Variants in MAP2K4 observed in about 807,000 individuals in gnomAD.
The protein encoded by MAP2K4 is mitogen-activated protein kinase kinase 4, also known as dual specificity mitogen-activated protein kinase kinase 4.
MAP2K4 carries 4 observed loss-of-function variants against 48.5 expected under a neutral mutation model. The observed-to-expected ratio is 0.08, with a 90% CI of 0.04 to 0.19. The LOEUF is 0.19. Ranked by LOEUF, MAP2K4 falls within the 10% of genes least tolerant of loss-of-function variation. MAP2K4 has a pLI of 1.00. For missense variants in MAP2K4, 258 were observed against 493.3 expected (o/e 0.52, Z 4.52); for synonymous variants, 166 against 173.1 (o/e 0.96, Z 0.32).
chr17:12,032,421 A>G (rs534549994), intron 1 of MAP2K4: 2 of 412,230 alleles, frequency 4.9e-6, no homozygotes, highest in South Asian at 2.2e-4. Context: ...AAGAGCTACC[A>G]TTTTTCATTC....
Position 12,143,095 on chromosome 17 carries a change from CT to C in MAP2K4, c.*1838del, listed in dbSNP as rs1973425452. The C allele has an allele frequency of 4.3e-6, 1 of 233,048 alleles. No homozygotes were observed. Among genetic ancestry groups the C allele is most frequent in the East Asian group, 6.0e-5 (1 of 16,568 alleles). 14.4% of individuals were successfully genotyped at this position (233,048 alleles called of 1,614,324 possible). On this transcript the variant is annotated 3_prime_UTR_variant, in exon 11 of 11. Coordinates refer to ENST00000353533, the MANE Select transcript of MAP2K4 (RefSeq NM_003010.4). ...ATCTTCTCCCCCACGGTATCCTAAACTTTAGACTTCCCACTGTTCTGAAAGG... is the reference window on the plus strand; with the variant it reads ...ATCTTCTCCCCCACGGTATCCTAAACTTAGACTTCCCACTGTTCTGAAAGG...
chr17:12,079,835 C>T (rs1350840064), intron 2 of MAP2K4, among the ~76,000 whole-genome samples: 1 of 152,092 alleles, frequency 6.6e-6, no homozygotes, highest in East Asian at 1.9e-4. Context: ...CCTATTTTTG[C>T]CTAGACCTGA....
intron 3 of MAP2K4, among the ~76,000 whole-genome samples, chr17:12,092,073 T>TA (rs1971580610): frequency 6.6e-6 from 1 of 152,134 alleles, no homozygotes; most frequent in South Asian, 2.1e-4. Flanking sequence ...GAAAATAATA[T>TA]AAAAAACTTA....
intron 2 of MAP2K4, among the ~76,000 whole-genome samples, chr17:12,060,728 G>GGGGGGT (rs71367376): frequency 1.3e-4 from 20 of 150,352 alleles, no homozygotes; most frequent in South Asian, 6.3e-4. Flanking sequence ...AATACTATGG[G>GGGGGGT]GTGTGTGTGT....
chr17:12,084,710 A>G (rs1201809572), intron 3 of MAP2K4, among the ~76,000 whole-genome samples: 1 of 152,172 alleles, frequency 6.6e-6, no homozygotes. Context: ...ATGGCAATAC[A>G]ACACATCAAT....
chr17:12,030,479 T>A (rs985119808), intron 1 of MAP2K4, among the ~76,000 whole-genome samples: 2 of 152,214 alleles, frequency 1.3e-5, no homozygotes, highest in Non-Finnish European at 1.5e-5. Context: ...TTGTAGCTAC[T>A]TATATAGATT....
At chr17:12,088,824 T>A (rs1345609361) in intron 3 of MAP2K4, among the ~76,000 whole-genome samples, 2 of 151,266 alleles carry the variant, frequency 1.3e-5, no homozygotes, top group Non-Finnish European at 2.9e-5. Context: ...AGCTTTTGAT[T>A]TGCTTCTTGT....
At chr17:12,123,757 A>G (rs934186356) in intron 7 of MAP2K4, among the ~76,000 whole-genome samples, 4 of 152,072 alleles carry the variant, frequency 2.6e-5, no homozygotes, top group African/African-American at 9.7e-5. Context: ...TTTTTTAACT[A>G]TTTCTTGAGA....
intron 3 of MAP2K4, among the ~76,000 whole-genome samples, chr17:12,087,224 C>A (rs1272703058): frequency 6.6e-6 from 1 of 152,170 alleles, no homozygotes; most frequent in Non-Finnish European, 1.5e-5. Context: ...TGCATATTTT[C>A]TATCATTCTT....
intron 7 of MAP2K4, among the ~76,000 whole-genome samples, chr17:12,118,077 A>T (rs1972559203): frequency 6.6e-6 from 1 of 152,224 alleles, no homozygotes; most frequent in Non-Finnish European, 1.5e-5. Context: ...TGGTTATAGA[A>T]ATTTAAGAAA....
At chr17:12,108,414 T>C (rs1002096936) in intron 5 of MAP2K4, among the ~76,000 whole-genome samples, 3 of 152,126 alleles carry the variant, frequency 2.0e-5, no homozygotes, top group Non-Finnish European at 4.4e-5. Flanking sequence ...AAATTTTGAC[T>C]AGCAGTTTCA....
intron 3 of MAP2K4, among the ~76,000 whole-genome samples, chr17:12,089,021 C>T (rs1971475265): frequency 6.6e-6 from 1 of 151,590 alleles, no homozygotes; most frequent in Non-Finnish European, 1.5e-5. Context: ...ACGCCATTCT[C>T]CTACCTCAGC....
intron 1 of MAP2K4, among the ~76,000 whole-genome samples, chr17:12,042,271 CTTAA>C (rs1969812920): frequency 6.7e-6 from 1 of 148,200 alleles, no homozygotes; most frequent in African/African-American, 2.5e-5. Context: ...ATGTATATGA[CTTAA>C]TTATTCTTTT....
At chr17:12,136,890 T>C (rs1973228687) in intron 9 of MAP2K4, among the ~76,000 whole-genome samples, 1 of 103,560 alleles carries the variant, frequency 9.7e-6, no homozygotes, top group Non-Finnish European at 2.2e-5. Context: ...ACTTGCTGTA[T>C]TCCAGGTCAT....
At position 12,081,577 on chromosome 17, in the gene MAP2K4, A is replaced by G. The variant is rs1419994048; in HGVS notation, c.393+47A>G. 1 of 1,573,294 alleles carries G rather than the reference A, an allele frequency of 6.4e-7. No individual in the cohort carries two copies. The highest frequency in any genetic ancestry group is 1.4e-5 in the African/African-American group (1 of 73,966). ...TTTGGTACTTTAATCCATTAGGTGA[A>G]ATTTCATGGTGCAGTAATACCACTG... On this transcript the variant is annotated intron_variant, in intron 3 of 10. Coordinates refer to ENST00000353533, the MANE Select transcript of MAP2K4 (RefSeq NM_003010.4). This position sits in a 1 kb window ranked among gnomAD's most constrained non-coding sequence, Gnocchi z 4.2.
intron 1 of MAP2K4, among the ~76,000 whole-genome samples, chr17:12,054,211 ATAAGT>A (rs1231193511): frequency 1.3e-5 from 2 of 152,154 alleles, no homozygotes; most frequent in African/African-American, 4.8e-5. Flanking sequence ...ACTTGGATTG[ATAAGT>A]TTATGTAAAA....
At chr17:12,025,113 A>AGT (rs1175998227) in intron 1 of MAP2K4, among the ~76,000 whole-genome samples, 1 of 152,230 alleles carries the variant, frequency 6.6e-6, no homozygotes, top group Non-Finnish European at 1.5e-5. Context: ...CATAGCATGT[A>AGT]GTAATGTTTA....
intron 2 of MAP2K4, among the ~76,000 whole-genome samples, chr17:12,069,488 C>T (rs1445769030): frequency 6.6e-6 from 1 of 152,088 alleles, no homozygotes; most frequent in Non-Finnish European, 1.5e-5. Context: ...TAAAACATTT[C>T]TTTGTATGTC....
At chr17:12,027,304 A>G (rs975461386) in intron 1 of MAP2K4, among the ~76,000 whole-genome samples, 4 of 152,182 alleles carry the variant, frequency 2.6e-5, no homozygotes, top group Non-Finnish European at 4.4e-5. Context: ...AAACAATTAC[A>G]TTGTATGCAG....
Sources: allele counts gnomAD v4.1 joint callset (sites outside exome capture counted in the v4.1 genomes callset), GRCh38; gene constraint gnomAD v4.1.1; non-coding constraint Gnocchi (gnomAD v3.1); transcripts MANE v1.5; gene names NCBI Gene and HGNC (gene_info 2026-07-23, HGNC 2026-07-21).